Variants in ATP8A2 observed in about 807,000 individuals in gnomAD.
ATP8A2 encodes the protein ATPase phospholipid transporting 8A2.
ATP8A2 carries 100 observed loss-of-function variants against 165.6 expected under a neutral mutation model. That is an observed-to-expected ratio of 0.60 (90% CI 0.51 to 0.71). The LOEUF (loss-of-function observed/expected upper bound fraction) is 0.71, where lower values mean the gene tolerates loss of function less well. ATP8A2 is among the 30% of genes least tolerant of loss of function. The pLI is 0.00. For missense variants in ATP8A2, 1,227 were observed against 1,479.5 expected (o/e 0.83, Z 2.80); for synonymous variants, 543 against 548.8 (o/e 0.99, Z 0.15).
chr13:25,819,501 A>G, intron 27 of ATP8A2, among the ~76,000 whole-genome samples: 1 of 151,824 alleles, frequency 6.6e-6, no homozygotes, highest in African/African-American at 2.4e-5. Flanking sequence ...CTACTTACCT[A>G]TTTATTTATT....
chr13:25,512,986 G>C (rs1211022026), intron 2 of ATP8A2, among the ~76,000 whole-genome samples: 1 of 138,004 alleles, frequency 7.2e-6, no homozygotes, highest in African/African-American at 2.6e-5. Context: ...CCTCCCGGAC[G>C]GGGTGGCTGG....
chr13:25,464,714 G>A (rs1023744361), intron 1 of ATP8A2, among the ~76,000 whole-genome samples: 3 of 152,200 alleles, frequency 2.0e-5, no homozygotes, highest in African/African-American at 4.8e-5. Flanking sequence ...GCTTGTATGA[G>A]GAAAGAGGTC....
intron 2 of ATP8A2, among the ~76,000 whole-genome samples, chr13:25,482,644 C>T (rs2036239329): frequency 6.6e-6 from 1 of 152,128 alleles, no homozygotes; most frequent in Non-Finnish European, 1.5e-5. Context: ...AATTGTAGCT[C>T]CCATAATTCC....
At chr13:25,932,984 G>A (rs1476423864) in intron 33 of ATP8A2, among the ~76,000 whole-genome samples, 8 of 152,162 alleles carry the variant, frequency 5.3e-5, no homozygotes. Context: ...GTAGCTGGGA[G>A]TACAGGTGCA....
chr13:25,659,622 C>T (rs1175970302), intron 24 of ATP8A2, among the ~76,000 whole-genome samples: 1 of 152,040 alleles, frequency 6.6e-6, no homozygotes, highest in Non-Finnish European at 1.5e-5. Context: ...TTCCCAAAAG[C>T]GAGAGAAAAG....
In ATP8A2 at chr13:25,372,768, T is replaced by G. The variant is rs961446414; in HGVS notation, c.76+480T>G. Among the ~76,000 whole-genome samples, 1 of 152,148 alleles carries G rather than the reference T, an allele frequency of 6.6e-6. No homozygotes were observed. Among genetic ancestry groups the G allele is most frequent in the Admixed American group, 6.5e-5 (1 of 15,282 alleles). On this transcript the variant is annotated intron_variant, in intron 1 of 36. Transcript: ENST00000381655. The surrounding 1 kb of genome is among the most constrained non-coding windows in gnomAD (Gnocchi z 4.8). ...GGCATCCGAAGGGTCCCTCGAGTGA[T>G]TCTCACCACTTGGAGCCCCGGGTCC...
chr13:25,436,611 G>C (rs901895779), intron 1 of ATP8A2, among the ~76,000 whole-genome samples: 1 of 151,930 alleles, frequency 6.6e-6, no homozygotes, highest in African/African-American at 2.4e-5. Context: ...ATTTTCCTTG[G>C]GGTATATACT....
intron 1 of ATP8A2, among the ~76,000 whole-genome samples, chr13:25,453,283 C>T (rs537949844): frequency 3.3e-5 from 5 of 151,652 alleles, no homozygotes; most frequent in Admixed American, 6.6e-5. Context: ...CCTGCCACCA[C>T]GCCCAGCTAA....
intron 25 of ATP8A2, among the ~76,000 whole-genome samples, chr13:25,702,591 A>G (rs1425437419): frequency 6.6e-6 from 1 of 152,200 alleles, no homozygotes; most frequent in African/African-American, 2.4e-5. Flanking sequence ...TCCTAGTGTC[A>G]TGGATGAATA....
intron 1 of ATP8A2, among the ~76,000 whole-genome samples, chr13:25,465,705 T>TCCCTCCCTCCC (rs2035628396): frequency 1.4e-4 from 3 of 20,986 alleles, no homozygotes; most frequent in Admixed American, 1.4e-3. Context: ...CTTTCTTTCT[T>TCCCTCCCTCCC]TCTTTCTTTC....
Position 26,024,462 on chromosome 13 carries a change from A to G in ATP8A2, c.*4477A>G, listed in dbSNP as rs1957129147. The G allele has an allele frequency of 6.6e-6, 1 of 152,144 alleles. No individual in the cohort carries two copies. The highest frequency in any genetic ancestry group is 2.4e-5 in the African/African-American group (1 of 41,410). The allele number at this position is 152,144 out of a possible 1,614,324, so 9.4% of individuals were successfully genotyped here. A position where few individuals can be genotyped will look rare whatever the true frequency, so the allele number is the denominator to read the frequency against. ...GCTATGAGTGATTTGTGAATCTGGG[A>G]TGTAACCCTGAGTGAGGAGAAAAGG... On this transcript the variant is annotated 3_prime_UTR_variant, in exon 37 of 37. Coordinates refer to ENST00000381655, the MANE Select transcript of ATP8A2 (RefSeq NM_016529.6).
chr13:25,469,222 C>G, intron 2 of ATP8A2, 101 bp downstream of exon 2: 6 of 1,415,750 alleles, frequency 4.2e-6, no homozygotes, highest in South Asian at 2.6e-5. Context: ...GGCCGGCCCC[C>G]GTCCATCTCC....
At chr13:25,834,699 G>A (rs1951559818) in intron 28 of ATP8A2, among the ~76,000 whole-genome samples, 1 of 152,212 alleles carries the variant, frequency 6.6e-6, no homozygotes, top group African/African-American at 2.4e-5. Flanking sequence ...GCAGGAGACA[G>A]GGTCTCACTC....
intron 1 of ATP8A2, among the ~76,000 whole-genome samples, chr13:25,422,326 A>G (rs1339134244): frequency 3.9e-5 from 6 of 152,284 alleles, no homozygotes; most frequent in Admixed American, 3.3e-4. Context: ...TAAAGCATTG[A>G]CCTGTTTGTA....
At position 25,770,054 on chromosome 13, in the gene ATP8A2, C is replaced by T. The variant is rs545078601; in HGVS notation, c.2568+825C>T. The stretch of plus-strand genomic sequence containing the variant: ...AGTGGAAGAGATCTAACTTAACCGA[C>T]TCCATCTTGCTTCTAACCTCCAAGC... On this transcript the variant is annotated intron_variant, in intron 26 of 36. Coordinates refer to ENST00000381655, the MANE Select transcript of ATP8A2 (RefSeq NM_016529.6). 2.6e-5 allele frequency among the ~76,000 whole-genome samples: 4 copies of T among 152,332 alleles called. No homozygotes were observed. The South Asian group carries it at 8.3e-4, about 32-fold the overall frequency.
At position 25,750,196 on chromosome 13, in the gene ATP8A2, A is replaced by G. The variant is rs755426276; in HGVS notation, c.2385-18850A>G. The stretch of plus-strand genomic sequence containing the variant: ...GTCCTCCCTGAAGGGTCACTGGTCC[A>G]GTTCGTGTGGAAGACAGGCCGGTGT... On this transcript the variant is annotated intron_variant, in intron 25 of 36. Transcript: ENST00000381655. This position sits in a 1 kb window ranked among gnomAD's most constrained non-coding sequence, Gnocchi z 4.3. Among the ~76,000 whole-genome samples, 1 of 152,184 alleles carries G rather than the reference A, an allele frequency of 6.6e-6. No individual in the cohort carries two copies. The highest frequency in any genetic ancestry group is 6.5e-5 in the Admixed American group (1 of 15,276).
intron 23 of ATP8A2, among the ~76,000 whole-genome samples, chr13:25,583,334 C>T (rs556007919): frequency 1.3e-5 from 2 of 152,248 alleles, no homozygotes; most frequent in African/African-American, 2.4e-5. Context: ...AAATACTTAC[C>T]TAAAATTTAG....
chr13:25,609,630 G>C (rs1024038128), intron 24 of ATP8A2, among the ~76,000 whole-genome samples: 3 of 29,492 alleles, frequency 1.0e-4, no homozygotes, highest in Non-Finnish European at 4.1e-4. Context: ...TTTTCCTCTG[G>C]GTAGATACCC....
chr13:25,503,092 G>C (rs2036908765), intron 2 of ATP8A2, among the ~76,000 whole-genome samples: 1 of 152,102 alleles, frequency 6.6e-6, no homozygotes, highest in Non-Finnish European at 1.5e-5. Flanking sequence ...TGCTGCCTGG[G>C]TGGAAACGCC....
Sources: gnomAD v4.1 joint callset for allele counts (sites outside exome capture counted in the v4.1 genomes callset) on GRCh38, gnomAD v4.1.1 for gene constraint, Gnocchi (gnomAD v3.1) non-coding constraint, MANE v1.5 for transcripts, NCBI Gene and HGNC (gene_info 2026-07-23, HGNC 2026-07-21) for gene names.